The following RALGPS1 variants were observed in gnomAD, a reference collection of about 807,000 sequenced individuals.
The protein encoded by RALGPS1 is ras-specific guanine nucleotide-releasing factor RalGPS1.
Under a neutral mutation model 78.8 loss-of-function variants are expected in RALGPS1, and 19 were observed. The observed-to-expected ratio is 0.24, with a 90% CI of 0.17 to 0.35. RALGPS1 has a LOEUF of 0.35. RALGPS1 is among the 10% of genes least tolerant of loss of function. The pLI, the probability that RALGPS1 is intolerant of heterozygous loss-of-function variation, is 1.00. For missense variants in RALGPS1, 454 were observed against 688.3 expected, an observed-to-expected ratio of 0.66 and a Z score of 3.81; for synonymous variants, 228 against 256.3, an observed-to-expected ratio of 0.89 and a Z score of 1.06.
chr9:127,108,006 G>A, intron 8 of RALGPS1: 1 of 1,599,916 alleles, frequency 6.3e-7, no homozygotes, highest in Non-Finnish European at 8.5e-7. Flanking sequence ...GGTCACTCTG[G>A]ATCTCGTTGG....
intron 5 of RALGPS1, among the ~76,000 whole-genome samples, chr9:127,047,149 A>G (rs765332590): frequency 5.9e-5 from 9 of 152,216 alleles, no homozygotes; most frequent in Non-Finnish European, 1.3e-4. Context: ...TCCACTTTAC[A>G]TGAATTTATC....
At chr9:127,055,664 A>G (rs1166085326) in intron 7 of RALGPS1, among the ~76,000 whole-genome samples, 1 of 152,246 alleles carries the variant, frequency 6.6e-6, no homozygotes, top group African/African-American at 2.4e-5. Context: ...TGGCAGGGCT[A>G]GGATCAAACC....
chr9:127,038,975 C>T (rs1202593206), intron 5 of RALGPS1, among the ~76,000 whole-genome samples: 2 of 152,120 alleles, frequency 1.3e-5, no homozygotes, highest in Admixed American at 6.5e-5. Context: ...AGACAGTGAA[C>T]ACAAAGGAGG....
At chr9:127,035,806 G>A (rs982527871) in intron 5 of RALGPS1, among the ~76,000 whole-genome samples, 1 of 152,096 alleles carries the variant, frequency 6.6e-6, no homozygotes, top group Non-Finnish European at 1.5e-5. Context: ...AGTAGGGGCT[G>A]CACACTGTTT....
At chr9:127,077,044 G>C (rs1168783923) in intron 8 of RALGPS1, among the ~76,000 whole-genome samples, 1 of 152,156 alleles carries the variant, frequency 6.6e-6, no homozygotes, top group African/African-American at 2.4e-5. Context: ...GGGAGGGGAA[G>C]ATTGCTTAGG....
chr9:127,037,243 G>C (rs1188215069), intron 5 of RALGPS1, among the ~76,000 whole-genome samples: 1 of 152,192 alleles, frequency 6.6e-6, no homozygotes, highest in Non-Finnish European at 1.5e-5. Flanking sequence ...CAACAGGCTT[G>C]GGCATATGTG....
intron 14 of RALGPS1, among the ~76,000 whole-genome samples, chr9:127,208,251 C>T (rs894388496): frequency 3.3e-5 from 5 of 152,226 alleles, no homozygotes; most frequent in African/African-American, 7.2e-5. Flanking sequence ...TGTGGTCATT[C>T]GGTCTCAGAC....
intron 8 of RALGPS1, among the ~76,000 whole-genome samples, chr9:127,077,452 T>A (rs1444927897): frequency 6.6e-6 from 1 of 152,176 alleles, no homozygotes; most frequent in Non-Finnish European, 1.5e-5. Context: ...TGGGACCCCT[T>A]AAAGCAGAGA....
chr9:127,191,700 G>GTTTTTTTTTTTTT (rs11375987), intron 11 of RALGPS1, among the ~76,000 whole-genome samples: 6 of 125,536 alleles, frequency 4.8e-5, no homozygotes, highest in Non-Finnish European at 8.2e-5. Flanking sequence ...GTTTTTTTTT[G>GTTTTTTTTTTTTT]TTTTTTTTTT....
intron 1 of RALGPS1, among the ~76,000 whole-genome samples, chr9:126,952,656 A>AGTGT (rs1281535322): frequency 2.3e-4 from 32 of 138,922 alleles, no homozygotes; most frequent in African/African-American, 6.6e-4. Context: ...AGAGAGAGAG[A>AGTGT]GTGTGTGTGT....
At chr9:127,072,330 A>C (rs1006577964) in intron 8 of RALGPS1, among the ~76,000 whole-genome samples, 1 of 152,162 alleles carries the variant, frequency 6.6e-6, no homozygotes, top group African/African-American at 2.4e-5. Context: ...CTCCCGCCTC[A>C]GCCTCCCAAG....
intron 13 of RALGPS1, 58 bp from the exon 14 acceptor site, chr9:127,198,957 A>G (rs1337093249): frequency 4.0e-6 from 6 of 1,508,080 alleles, no homozygotes; most frequent in Non-Finnish European, 5.5e-6. Context: ...GTGACCCAGG[A>G]GAACAGGCCC....
At chr9:127,109,681 T>C (rs1272155900) in intron 8 of RALGPS1, among the ~76,000 whole-genome samples, 1 of 152,238 alleles carries the variant, frequency 6.6e-6, no homozygotes, top group African/African-American at 2.4e-5. Flanking sequence ...ACCTGTGATT[T>C]GCTGGACAGC....
chr9:126,956,706 C>T (rs916785128), intron 1 of RALGPS1, among the ~76,000 whole-genome samples: 62 of 152,074 alleles, frequency 4.1e-4, no homozygotes, highest in African/African-American at 2.2e-4. Flanking sequence ...CAGTGGAAGC[C>T]CATGGTTTTA....
chr9:126,986,370 G>C (rs773540740), intron 4 of RALGPS1, among the ~76,000 whole-genome samples: 1 of 152,170 alleles, frequency 6.6e-6, no homozygotes, highest in South Asian at 2.1e-4. Flanking sequence ...TTGTGGCCTA[G>C]AACCCCATTG....
In RALGPS1 at chr9:126,975,326, AAG is replaced by A. The variant is rs549774507; in HGVS notation, c.166-2368_166-2367del. ...ATATTTGAAACTTGGACCATCCAAA[AAG>A]TGTGAAATGTAAGGTCACTGCTTTA... is the stretch of plus-strand genomic sequence containing the variant. On this transcript the variant is annotated intron_variant, in intron 3 of 18. Transcript: ENST00000259351. 2.8e-3 allele frequency among the ~76,000 whole-genome samples: 425 copies of A among 152,344 alleles called. 3 individuals are homozygous for A. Among genetic ancestry groups the A allele is most frequent in the African/African-American group, 9.7e-3 (405 of 41,576 alleles).
At chr9:126,955,206 C>T (rs182178137) in intron 1 of RALGPS1, among the ~76,000 whole-genome samples, 1 of 152,330 alleles carries the variant, frequency 6.6e-6, no homozygotes, top group Non-Finnish European at 1.5e-5. Flanking sequence ...TATTTTCTGA[C>T]TGCCTACCTA....
chr9:127,064,911 G>T (rs1460576469), intron 7 of RALGPS1, among the ~76,000 whole-genome samples: 1 of 151,160 alleles, frequency 6.6e-6, no homozygotes, highest in East Asian at 1.9e-4. Flanking sequence ...TGTTTGTTTT[G>T]TTCTTGTTTT....
intron 7 of RALGPS1, among the ~76,000 whole-genome samples, chr9:127,054,996 TGAGAGAGAGAGAGAGAGAGAGAGA>T (rs10555826): frequency 0.4 from 55,849 of 139,242 alleles, 12,407 homozygotes; most frequent in Non-Finnish European, 0.5. Context: ...AGAGATTGAT[TGAGAGAGAGAGAGAGAGAGAGAGA>T]GAGAGAGAGA....
Sources: allele counts gnomAD v4.1 joint callset (sites outside exome capture counted in the v4.1 genomes callset), GRCh38; gene constraint gnomAD v4.1.1; transcripts MANE v1.5; gene names NCBI Gene and HGNC (gene_info 2026-07-23, HGNC 2026-07-21).